The following VCPIP1 variants were observed in gnomAD, a reference collection of about 807,000 sequenced individuals.
VCPIP1 encodes deubiquitinating protein VCPIP1.
A neutral mutation model predicts 85.0 loss-of-function variants in VCPIP1; 8 were observed. That is an observed-to-expected ratio of 0.09 (90% CI 0.06 to 0.17). The LOEUF (loss-of-function observed/expected upper bound fraction) is 0.17, where lower values mean the gene tolerates loss of function less well. Among genes scored for constraint, VCPIP1 ranks in the 10% least tolerant of loss-of-function variants. The pLI is 1.00. For synonymous variants in VCPIP1, 543 were observed against 544.5 expected, an observed-to-expected ratio of 1.00 and a Z score of 0.04; for missense variants, 1,070 against 1,486.3, an observed-to-expected ratio of 0.72 and a Z score of 4.61.
chr8:66,640,983 G>A (rs1013258495), intron 2 of VCPIP1, among the ~76,000 whole-genome samples: 2 of 152,196 alleles, frequency 1.3e-5, no homozygotes, highest in African/African-American at 4.8e-5. Context: ...TATTTGTGGA[G>A]GGGAAAGATA....
intron 2 of VCPIP1, among the ~76,000 whole-genome samples, chr8:66,641,323 A>G (rs1236900808): frequency 6.6e-6 from 1 of 152,228 alleles, no homozygotes; most frequent in Non-Finnish European, 1.5e-5. Context: ...TAGTTCACAT[A>G]CAATTCACCC....
At chr8:66,649,239 G>A (rs886457129) in intron 2 of VCPIP1, among the ~76,000 whole-genome samples, 16 of 152,072 alleles carry the variant, frequency 1.1e-4, no homozygotes, top group African/African-American at 3.6e-4. Context: ...GCTCATGCTT[G>A]TAATCTGTCG....
intron 1 of VCPIP1, among the ~76,000 whole-genome samples, chr8:66,661,995 C>G (rs1285899381): frequency 6.6e-6 from 1 of 151,716 alleles, no homozygotes; most frequent in African/African-American, 2.4e-5. Context: ...TCTCGAACTC[C>G]TGACCTCGTG....
intron 1 of VCPIP1, among the ~76,000 whole-genome samples, chr8:66,662,542 G>A (rs935519808): frequency 6.6e-6 from 1 of 152,022 alleles, no homozygotes; most frequent in Non-Finnish European, 1.5e-5. Flanking sequence ...ACTACCTGCT[G>A]AGCACTATTA....
At chr8:66,642,480 A>G (rs1810956999) in intron 2 of VCPIP1, among the ~76,000 whole-genome samples, 1 of 152,128 alleles carries the variant, frequency 6.6e-6, no homozygotes, top group Non-Finnish European at 1.5e-5. Flanking sequence ...ATCTAAGATT[A>G]TGCCTAATCC....
In VCPIP1 at chr8:66,664,890, G is replaced by T. The variant is rs372186286; in HGVS notation, c.2069C>A (p.Thr690Asn). ...QGQESESQLPTKIILTGQKTK... is the reference protein window; with the variant it reads ...QGQESESQLPNKIILTGQKTK... ...TTTCTGTCCAGTAAGAATAATTTTA[G>T]TTGGGAGCTGAGACTCTGATTCTTG... The change falls in exon 1 of 3, where the codon ACT becomes AAT. Residue 690 changes from threonine (T) to asparagine (N), a missense_variant. Around this residue, in one of 8 missense-constraint regions of VCPIP1, gnomAD observed 278 missense variants for 298.5 expected, o/e 0.93. Coordinates refer to ENST00000310421, the MANE Select transcript of VCPIP1 (RefSeq NM_025054.5). The T allele has an allele frequency of 3.7e-6, 6 of 1,614,168 alleles. No homozygotes were observed. The African/African-American group carries it at 8.0e-5, about 22-fold the overall frequency.
chr8:66,656,031 T>C (rs968954986), intron 1 of VCPIP1, among the ~76,000 whole-genome samples: 12 of 152,138 alleles, frequency 7.9e-5, no homozygotes, highest in African/African-American at 2.9e-4. Context: ...ATCCAATTTT[T>C]TTCCTATTTG....
In VCPIP1 at chr8:66,628,620, T is replaced by A. The variant is rs948364982; in HGVS notation, c.*5881A>T. ...TGAGCTGTTATAAGTAGGATGTTTA[T>A]CTTATTTACTAAAGAGTTTTTGAGA... On this transcript the variant is annotated 3_prime_UTR_variant, in exon 3 of 3. Transcript: ENST00000310421. The A allele has an allele frequency of 6.6e-6, 1 of 152,248 alleles. No individual in the cohort carries two copies. Among genetic ancestry groups the A allele is most frequent in the African/African-American group, 2.4e-5 (1 of 41,468 alleles). 9.4% of individuals were successfully genotyped at this position (152,248 alleles called of 1,614,324 possible). A position where few individuals can be genotyped will look rare whatever the true frequency, so the allele number is the denominator to read the frequency against.
intron 1 of VCPIP1, among the ~76,000 whole-genome samples, chr8:66,656,719 C>T (rs980616037): frequency 6.6e-6 from 1 of 152,056 alleles, no homozygotes; most frequent in South Asian, 2.1e-4. Flanking sequence ...CAGCAATTCT[C>T]CTGCCTCAGC....
chr8:66,635,471 A>C, intron 2 of VCPIP1, 99 bp from the exon 3 acceptor site: 1 of 1,228,162 alleles, frequency 8.1e-7, no homozygotes, highest in Non-Finnish European at 1.1e-6. Context: ...TTTAAATAAC[A>C]ATTTACAGAT....
rs1176970490 is a variant in VCPIP1 at position 66,651,445 on chromosome 8, A to G, written c.2797+13T>C. The G allele has an allele frequency of 1.9e-6, 3 of 1,583,480 alleles. No individual in the cohort carries two copies. In the African/African-American group the frequency reaches 4.1e-5, roughly 21 times the overall value. On this transcript the variant is annotated intron_variant, in intron 2 of 2. Transcript: ENST00000310421. The stretch of plus-strand genomic sequence containing the variant: ...AGAGCTATTATTTAAGAATAAAATC[A>G]AATTAACTATACCCATGGTTTTCTT...
chr8:66,659,079 G>C (rs1329737256), intron 1 of VCPIP1, among the ~76,000 whole-genome samples: 2 of 151,686 alleles, frequency 1.3e-5, no homozygotes, highest in East Asian at 3.9e-4. Flanking sequence ...AACAAAACTA[G>C]AAACTTAATG....
intron 1 of VCPIP1, among the ~76,000 whole-genome samples, chr8:66,654,979 CA>C (rs1811086228): frequency 6.6e-6 from 1 of 152,340 alleles, no homozygotes; most frequent in Non-Finnish European, 1.5e-5. Context: ...TACCACCACA[CA>C]ACTGTTCCTG....
intron 2 of VCPIP1, among the ~76,000 whole-genome samples, chr8:66,646,069 T>G (rs1327655471): frequency 6.6e-6 from 1 of 151,204 alleles, no homozygotes; most frequent in Non-Finnish European, 1.5e-5. Context: ...AAAGTCAAAA[T>G]GCATTTTTTT....
chr8:66,637,775 C>G (rs1810903102), intron 2 of VCPIP1, among the ~76,000 whole-genome samples: 1 of 151,886 alleles, frequency 6.6e-6, no homozygotes, highest in African/African-American at 2.4e-5. Context: ...CGAGACCATC[C>G]TGGCTAGCAC....
At position 66,634,087 on chromosome 8, in the gene VCPIP1, CTAG is replaced by C. The variant is rs1030587515; in HGVS notation, c.*411_*413del. 5.1e-5 allele frequency: 8 copies of C among 155,736 alleles called. No individual in the cohort carries two copies. The highest frequency in any genetic ancestry group is 1.7e-4 in the African/African-American group (7 of 41,592). 9.6% of individuals were successfully genotyped at this position (155,736 alleles called of 1,614,324 possible). On this transcript the variant is annotated 3_prime_UTR_variant, in exon 3 of 3. Transcript: ENST00000310421. Reference sequence around the variant, plus strand: ...TCAAGTTTACATAAACCTTTTGACACTAGTATATGAGATGGTTACCTTGATGAC... The same window carrying C: ...TCAAGTTTACATAAACCTTTTGACACTATATGAGATGGTTACCTTGATGAC...
chr8:66,661,392 C>T (rs948756997), intron 1 of VCPIP1, among the ~76,000 whole-genome samples: 1 of 152,118 alleles, frequency 6.6e-6, no homozygotes, highest in Non-Finnish European at 1.5e-5. Context: ...TCCAACCAAA[C>T]TCAGAAAGTA....
At chr8:66,648,941 C>T (rs1811024657) in intron 2 of VCPIP1, among the ~76,000 whole-genome samples, 1 of 152,052 alleles carries the variant, frequency 6.6e-6, no homozygotes, top group Admixed American at 6.5e-5. Context: ...AGGAAGATCA[C>T]CTGAGCTCAG....
rs1317203375 is a variant in VCPIP1, at chr8:66,630,784, T to C, written c.*3717A>G. 2 of 152,568 alleles carry C rather than the reference T, an allele frequency of 1.3e-5. No homozygotes were observed. The highest frequency in any genetic ancestry group is 2.4e-5 in the African/African-American group (1 of 41,460). 9.5% of individuals were successfully genotyped at this position (152,568 alleles called of 1,614,324 possible). A position where few individuals can be genotyped will look rare whatever the true frequency, so the allele number is the denominator to read the frequency against. The stretch of plus-strand genomic sequence containing the variant: ...GATTTAAGTATCATTAAATATGAAC[T>C]GAAACACTTAGCATCTCAAAGAATT... On this transcript the variant is annotated 3_prime_UTR_variant, in exon 3 of 3. Coordinates refer to ENST00000310421, the MANE Select transcript of VCPIP1 (RefSeq NM_025054.5).
Sources: allele counts gnomAD v4.1 joint callset (sites outside exome capture counted in the v4.1 genomes callset), GRCh38; gene constraint gnomAD v4.1.1; regional missense constraint gnomAD v4.1.1; transcripts MANE v1.5; gene names NCBI Gene and HGNC (gene_info 2026-07-23, HGNC 2026-07-21).